Variants in CALN1 observed in about 807,000 individuals in gnomAD.
The protein encoded by CALN1 is calneuron 1.
CALN1 carries 17 observed loss-of-function variants against 30.6 expected under a neutral mutation model. That is an observed-to-expected ratio of 0.56 (90% CI 0.38 to 0.83). CALN1 has a LOEUF of 0.83. Ranked by LOEUF, CALN1 falls within the 40% of genes least tolerant of loss-of-function variation. CALN1 has a pLI of 0.00. For missense variants in CALN1, 291 were observed against 354.9 expected, an observed-to-expected ratio of 0.82 and a Z score of 1.45; for synonymous variants, 156 against 131.4, an observed-to-expected ratio of 1.19 and a Z score of -1.28.
intron 5 of CALN1, among the ~76,000 whole-genome samples, chr7:71,874,182 T>C (rs935936791): frequency 1.3e-5 from 2 of 149,308 alleles, no homozygotes; most frequent in Non-Finnish European, 3.0e-5. Flanking sequence ...GGCTGAGATA[T>C]GAGAATCGCT....
intron 1 of CALN1, among the ~76,000 whole-genome samples, chr7:72,436,662 C>T (rs994399032): frequency 6.6e-5 from 10 of 152,082 alleles, no homozygotes; most frequent in African/African-American, 2.4e-4. Flanking sequence ...CTTCTAGGGG[C>T]CCCAGTCTAG....
At chr7:71,989,079 C>T (rs1218387717) in intron 5 of CALN1, among the ~76,000 whole-genome samples, 1 of 152,148 alleles carries the variant, frequency 6.6e-6, no homozygotes, top group Non-Finnish European at 1.5e-5. Flanking sequence ...ACCAGATTTC[C>T]TTGCTAATTT....
chr7:72,316,282 T>C (rs551770980), intron 2 of CALN1, among the ~76,000 whole-genome samples: 99 of 152,038 alleles, frequency 6.5e-4, no homozygotes, highest in African/African-American at 2.2e-3. Flanking sequence ...GTTGAAAATG[T>C]TGAAGTGGGA....
At chr7:72,276,588 A>G (rs1369691367) in intron 3 of CALN1, among the ~76,000 whole-genome samples, 1 of 152,032 alleles carries the variant, frequency 6.6e-6, no homozygotes, top group Non-Finnish European at 1.5e-5. Context: ...TGATTTGACT[A>G]TGAAAGATCT....
intron 2 of CALN1, among the ~76,000 whole-genome samples, chr7:72,300,768 A>AG (rs1324147963): frequency 1.3e-5 from 2 of 152,126 alleles, no homozygotes; most frequent in Non-Finnish European, 2.9e-5. Context: ...AAGAGGGGGC[A>AG]GATCACTTGA....
At chr7:72,461,455 C>T in the CALN1 span, among the ~76,000 whole-genome samples, 1 of 152,182 alleles carries the variant, frequency 6.6e-6, no homozygotes, top group African/African-American at 2.4e-5. Context: ...TATAAATACA[C>T]CATGGAATAC....
intron 3 of CALN1, among the ~76,000 whole-genome samples, chr7:72,219,621 A>G (rs926391558): frequency 6.6e-6 from 1 of 152,068 alleles, no homozygotes; most frequent in Non-Finnish European, 1.5e-5. Flanking sequence ...ATTAAAATCC[A>G]TGAAGATACA....
At chr7:71,900,668 A>T (rs987768208) in intron 5 of CALN1, among the ~76,000 whole-genome samples, 1 of 152,184 alleles carries the variant, frequency 6.6e-6, no homozygotes, top group African/African-American at 2.4e-5. Context: ...GATGTTCCAG[A>T]AGGGGGCTAG....
chr7:72,209,690 T>C (rs979112750), intron 3 of CALN1, among the ~76,000 whole-genome samples: 1 of 152,178 alleles, frequency 6.6e-6, no homozygotes, highest in East Asian at 1.9e-4. Flanking sequence ...CTCTACACTT[T>C]GGCTATCGGG....
rs1310983918 is a variant in CALN1 at position 71,790,364 on chromosome 7, AAAGAAAAGAAAG to A, written c.659-2474_659-2463del. Among the ~76,000 whole-genome samples the A allele has an allele frequency of 2.9e-3, 248 of 86,502 alleles. 1 individual carries two copies. The highest frequency in any genetic ancestry group is 4.0e-3 in the Non-Finnish European group (171 of 42,294). 56.7% of individuals were successfully genotyped at this position (86,502 alleles called of 152,430 possible). On this transcript the variant is annotated intron_variant, in intron 6 of 6. Coordinates refer to ENST00000395275, the MANE Select transcript of CALN1 (RefSeq NM_031468.4). ...AAAGAAAGAAAAGAAAGAAAGAAAG[AAAGAAAAGAAAG>A]AAAGAAAGAAAGAAAGAAAGAAAGA...
intron 2 of CALN1, among the ~76,000 whole-genome samples, chr7:72,336,267 C>A (rs768455585): frequency 9.9e-5 from 15 of 152,160 alleles, no homozygotes; most frequent in Non-Finnish European, 2.1e-4. Context: ...CGGGCGCTCC[C>A]ACCTGGGCTG....
intron 2 of CALN1, among the ~76,000 whole-genome samples, chr7:72,371,642 A>G (rs1450594119): frequency 1.3e-5 from 2 of 152,234 alleles, no homozygotes; most frequent in African/African-American, 4.8e-5. Context: ...AGTTCTTTAT[A>G]GCAGCATAAG....
rs1806663983 is a variant in CALN1 at position 72,405,887 on chromosome 7, C to G, written c.-73-2445G>C. Among the ~76,000 whole-genome samples the G allele has an allele frequency of 2.0e-5, 3 of 152,172 alleles. No homozygotes were observed. The South Asian group carries it at 6.2e-4, about 31-fold the overall frequency. The stretch of plus-strand genomic sequence containing the variant: ...TGAGTCCCTTCTCTTGTCAGGTCCC[C>G]CCAGGCAGTGTGGACATCAGAGCAA... On this transcript the variant is annotated intron_variant, in intron 1 of 6. Coordinates refer to ENST00000395275, the MANE Select transcript of CALN1 (RefSeq NM_031468.4).
intron 5 of CALN1, among the ~76,000 whole-genome samples, chr7:71,933,152 T>A (rs1194307337): frequency 6.6e-6 from 1 of 152,076 alleles, no homozygotes; most frequent in African/African-American, 2.4e-5. Context: ...ACTAGGCATG[T>A]CCAAAATGGT....
chr7:72,031,971 G>A (rs1801474257), intron 4 of CALN1, among the ~76,000 whole-genome samples: 1 of 149,874 alleles, frequency 6.7e-6, no homozygotes, highest in Non-Finnish European at 1.5e-5. Flanking sequence ...TCAAACTCCT[G>A]ACTTCAGGTG....
intron 3 of CALN1, among the ~76,000 whole-genome samples, chr7:72,211,429 C>T (rs1792385133): frequency 6.6e-6 from 1 of 152,158 alleles, no homozygotes; most frequent in African/African-American, 2.4e-5. Context: ...TCCATTTTGC[C>T]TTTTATTTCA....
intron 2 of CALN1, among the ~76,000 whole-genome samples, chr7:72,301,336 G>C (rs1351282458): frequency 6.6e-6 from 1 of 151,904 alleles, no homozygotes; most frequent in Non-Finnish European, 1.5e-5. Context: ...GGCCGGGCTG[G>C]GTGGCTCACA....
intron 2 of CALN1, among the ~76,000 whole-genome samples, chr7:72,397,421 G>A (rs901654777): frequency 8.5e-5 from 13 of 152,108 alleles, no homozygotes; most frequent in Non-Finnish European, 2.9e-5. Context: ...GGCAACAAGA[G>A]GTGAGAATGT....
At chr7:72,185,730 T>C (rs919273033) in intron 3 of CALN1, among the ~76,000 whole-genome samples, 7 of 152,296 alleles carry the variant, frequency 4.6e-5, no homozygotes, top group Admixed American at 1.3e-4. Context: ...CATGCTGTTC[T>C]TGTGGTAGTG....
Sources: gnomAD v4.1 joint callset for allele counts (sites outside exome capture counted in the v4.1 genomes callset) on GRCh38, gnomAD v4.1.1 for gene constraint, MANE v1.5 for transcripts, NCBI Gene and HGNC (gene_info 2026-07-23, HGNC 2026-07-21) for gene names.